ULK1: variants seen among roughly 807,000 people sequenced by gnomAD.
ULK1 encodes the protein serine/threonine-protein kinase ULK1.
A neutral mutation model predicts 117.5 loss-of-function variants in ULK1; 48 were observed. That is an observed-to-expected ratio of 0.41 (90% confidence interval 0.32 to 0.52). ULK1 has a LOEUF of 0.52. Ranked by LOEUF, ULK1 falls within the 20% of genes least tolerant of loss-of-function variation. ULK1 has a pLI of 0.29. For missense variants in ULK1, 1,387 were observed against 1,473.4 expected, an observed-to-expected ratio of 0.94 and a Z score of 0.96; for synonymous variants, 790 against 637.8, an observed-to-expected ratio of 1.24 and a Z score of -3.60.
intron 3 of ULK1, among the ~76,000 whole-genome samples, chr12:131,899,159 G>T (rs1888992613): frequency 1.3e-5 from 2 of 150,032 alleles, no homozygotes; most frequent in South Asian, 4.2e-4. Flanking sequence ...GAGCCACCAT[G>T]CCCAGCCTGC....
At chr12:131,918,861 C>T (rs180793500) in intron 23 of ULK1, among the ~76,000 whole-genome samples, 180 bp downstream of exon 23, 69 of 4,556 alleles carry the variant, frequency 0.015, 2 homozygotes, top group African/African-American at 0.042. Flanking sequence ...TGTGGGGTGT[C>T]GGGTGTGTGG....
intron 3 of ULK1, among the ~76,000 whole-genome samples, chr12:131,905,571 C>T (rs1889241872): frequency 6.6e-6 from 1 of 152,130 alleles, no homozygotes; most frequent in African/African-American, 2.4e-5. Context: ...GTGTACAGGG[C>T]AGAGGGAGGG....
rs772941704 is a variant in ULK1, at chr12:131,917,532, C to T, written c.2304C>T (p.Gly768=). Residue 768 remains glycine, a synonymous_variant, in exon 22 of 28, where the codon GGC becomes GGT. Coordinates refer to ENST00000321867, the MANE Select transcript of ULK1 (RefSeq NM_003565.4). The part of the protein sequence containing the change: ...SPPSGSTPPQ[G]PRTRMFSAGP... ...CGAGCGGGAGCACGCCCCCCCAGGG[C>T]CCCCGCACCAGGATGTTCTCAGGTG... 4.8e-6 allele frequency: 7 copies of T among 1,444,388 alleles called. No homozygotes were observed. The highest frequency in any genetic ancestry group is 1.5e-5 in the South Asian group (1 of 66,148). The allele number at this position is 1,444,388 out of a possible 1,614,324, so 89.5% of individuals were successfully genotyped here.
At position 131,906,766 on chromosome 12, in the gene ULK1, C is replaced by A; in HGVS notation, c.247-126C>A. The A allele has an allele frequency of 5.0e-6, 6 of 1,204,358 alleles. No homozygotes were observed. The South Asian group carries it at 5.0e-5, about 10-fold the overall frequency. The allele number at this position is 1,204,358 out of a possible 1,614,324, so 74.6% of individuals were successfully genotyped here. A position where few individuals can be genotyped will look rare whatever the true frequency, so the allele number is the denominator to read the frequency against. The stretch of plus-strand genomic sequence containing the variant: ...CCCAGAGATGTCCTCGTCTCCCGGC[C>A]GCTGGCTGACCAGCTAAGTCCTGGC... On this transcript the variant is annotated intron_variant, in intron 3 of 27. Coordinates refer to ENST00000321867, the MANE Select transcript of ULK1 (RefSeq NM_003565.4).
intron 20 of ULK1, 90 bp from the exon 21 acceptor site, chr12:131,916,863 C>A: frequency 8.2e-7 from 1 of 1,213,008 alleles, no homozygotes; most frequent in Admixed American, 2.5e-5. Flanking sequence ...GACCGTGCAT[C>A]ATGTGTGTCT....
At position 131,915,432 on chromosome 12, in the gene ULK1, T is replaced by G. The variant is rs774919972; in HGVS notation, c.1609+11T>G. 2.5e-6 allele frequency: 4 copies of G among 1,611,686 alleles called. No homozygotes were observed. The South Asian group carries it at 4.4e-5, about 18-fold the overall frequency. ...GGTCCCCTCGTCCAGGTGGGTGCAG[T>G]CCGGAGGGGGGAGGGGGTGCTAGGC... On this transcript the variant is annotated intron_variant, in intron 18 of 27. Transcript: ENST00000321867.
Position 131,922,014 on chromosome 12 carries a change from G to A in ULK1, c.*653G>A, listed in dbSNP as rs759152346. The A allele has an allele frequency of 5.9e-5, 27 of 454,382 alleles. No individual in the cohort carries two copies. The highest frequency in any genetic ancestry group is 9.8e-5 in the Non-Finnish European group (22 of 225,514). 28.1% of individuals were successfully genotyped at this position (454,382 alleles called of 1,614,324 possible). A position where few individuals can be genotyped will look rare whatever the true frequency, so the allele number is the denominator to read the frequency against. On this transcript the variant is annotated 3_prime_UTR_variant, in exon 28 of 28. Coordinates refer to ENST00000321867, the MANE Select transcript of ULK1 (RefSeq NM_003565.4). ...GGACCTCAGCGGGAGAACTGGCTCC[G>A]GGGGGAGTGGGGCCCTGCGCTAGAG...
chr12:131,913,205 G>T lies in ULK1; in HGVS notation c.1104G>T (p.Leu368=), dbSNP rs984619884. Residue 368 remains leucine, a synonymous_variant, in exon 14 of 28, where the codon CTG becomes CTT. Coordinates refer to ENST00000321867, the MANE Select transcript of ULK1 (RefSeq NM_003565.4). The part of the protein sequence containing the change: ...VMVPAQFPGD[L]VAEAPSAKPP... ...CCTTGTCTCCCCCTGCAGGTGACCT[G>T]GTGGCTGAGGCGCCCAGTGCCAAAC... 7 of 1,585,122 alleles carry T rather than the reference G, an allele frequency of 4.4e-6. No homozygotes were observed. Among genetic ancestry groups the T allele is most frequent in the Non-Finnish European group, 5.1e-6 (6 of 1,168,844 alleles).
rs1384866059 is a variant in ULK1 at position 131,912,110 on chromosome 12, T to C, written c.1096+21T>C. On this transcript the variant is annotated intron_variant, in intron 13 of 27. Coordinates refer to ENST00000321867, the MANE Select transcript of ULK1 (RefSeq NM_003565.4). ...TCCAGGTCAGGGGGCACGCTGGGCT[T>C]GGAGGTGACGCCTCAGGTGCGGCGG... 1.9e-6 allele frequency: 3 copies of C among 1,605,772 alleles called. No homozygotes were observed. In the South Asian group the frequency reaches 3.3e-5, roughly 18 times the overall value.
chr12:131,909,677 C>T (rs1241968533), intron 8 of ULK1, 98 bp from the exon 9 acceptor site: 10 of 1,306,926 alleles, frequency 7.7e-6, no homozygotes, highest in South Asian at 1.5e-5. Flanking sequence ...TTCGCAGCGT[C>T]TGGGGCAGGG....
At chr12:131,900,786 TGCTTG>T (rs1889054612) in intron 3 of ULK1, among the ~76,000 whole-genome samples, 1 of 152,184 alleles carries the variant, frequency 6.6e-6, no homozygotes, top group Non-Finnish European at 1.5e-5. Flanking sequence ...TGTCCAGCCC[TGCTTG>T]GGGTCCTGGG....
chr12:131,907,593 C>T lies in ULK1; in HGVS notation c.316+62C>T, dbSNP rs1287006956. 5 of 1,564,698 alleles carry T rather than the reference C, an allele frequency of 3.2e-6. No individual in the cohort carries two copies. In the Admixed American group the frequency reaches 9.0e-5, roughly 28 times the overall value. On this transcript the variant is annotated intron_variant, in intron 5 of 27. Coordinates refer to ENST00000321867, the MANE Select transcript of ULK1 (RefSeq NM_003565.4). ...GTCCCACAGGGCCCGCACCCAGGGCCACACTGGCCCAGTCTGGGAGGCAGC... is the reference window on the plus strand; with the variant it reads ...GTCCCACAGGGCCCGCACCCAGGGCTACACTGGCCCAGTCTGGGAGGCAGC...
intron 12 of ULK1, 93 bp from the exon 13 acceptor site, chr12:131,911,849 C>A (rs1347115702): frequency 3.8e-6 from 6 of 1,569,792 alleles, no homozygotes; most frequent in Non-Finnish European, 5.2e-6. Context: ...CCGATCTTTA[C>A]TGGGGCTCTG....
chr12:131,906,335 C>T (rs1016979592), intron 3 of ULK1, among the ~76,000 whole-genome samples: 48 of 152,136 alleles, frequency 3.2e-4, no homozygotes, highest in Admixed American at 2.0e-4. Flanking sequence ...ATGATCCACC[C>T]GCCTTGGCCT....
chr12:131,896,285 G>A (rs1329605146), intron 3 of ULK1, among the ~76,000 whole-genome samples: 1 of 152,212 alleles, frequency 6.6e-6, no homozygotes, highest in Non-Finnish European at 1.5e-5. Context: ...GTCAGGGCCG[G>A]GCCGGGGCAC....
chr12:131,910,014 C>T lies in ULK1; in HGVS notation c.808+13C>T, dbSNP rs749559508. On this transcript the variant is annotated intron_variant, in intron 10 of 27. Coordinates refer to ENST00000321867, the MANE Select transcript of ULK1 (RefSeq NM_003565.4). ...CGCATGGACTTCGGTGAGCACCCAC[C>T]AGGGGCGCAGCTGGAGTCCCCCACC... 1.2e-6 allele frequency: 2 copies of T among 1,610,766 alleles called. No individual in the cohort carries two copies. Among genetic ancestry groups the T allele is most frequent in the East Asian group, 4.5e-5 (2 of 44,856 alleles).
At chr12:131,910,903 G>C in intron 12 of ULK1, 103 bp downstream of exon 12, 1 of 1,528,784 alleles carries the variant, frequency 6.5e-7, no homozygotes, top group Non-Finnish European at 8.8e-7. Flanking sequence ...TCTGTTGTCT[G>C]TGTGAGTCAC....
At chr12:131,906,608 C>T in intron 3 of ULK1, 1 of 511,278 alleles carries the variant, frequency 2.0e-6, no homozygotes, top group Non-Finnish European at 3.5e-6. Context: ...ACCTGGCCTT[C>T]ACCCTTCCTG....
rs776343433 is a variant in ULK1, at chr12:131,917,053, A to G, written c.2173A>G (p.Met725Val). Reference protein sequence around the residue: ...GSTESLQEKPMEIAPSAGFGG... With the variant: ...GSTESLQEKPVEIAPSAGFGG... The stretch of plus-strand genomic sequence containing the variant: ...CACGGAGAGCCTGCAGGAGAAGCCC[A>G]TGGAGATCGGTGTGTGGGTGGGTGG... The change falls in exon 21 of 28, where the codon ATG becomes GTG. Residue 725 changes from methionine (M) to valine (V), a missense_variant. Met to Val is a conservative substitution (Grantham distance 21, BLOSUM62 1). Around this residue, in one of 4 missense-constraint regions of ULK1, gnomAD observed 900 missense variants for 858.9 expected, o/e 1.05. Coordinates refer to ENST00000321867, the MANE Select transcript of ULK1 (RefSeq NM_003565.4). The G allele has an allele frequency of 2.1e-5, 27 of 1,269,948 alleles. No individual in the cohort carries two copies. Among genetic ancestry groups the G allele is most frequent in the South Asian group, 9.0e-5 (7 of 77,908 alleles). 78.7% of individuals were successfully genotyped at this position (1,269,948 alleles called of 1,614,324 possible).
Sources: gnomAD v4.1 joint callset for allele counts (sites outside exome capture counted in the v4.1 genomes callset) on GRCh38, gnomAD v4.1.1 for gene constraint, gnomAD v4.1.1 regional missense constraint, MANE v1.5 for transcripts, NCBI Gene and HGNC (gene_info 2026-07-23, HGNC 2026-07-21) for gene names.